Variants in ZSCAN5A observed in about 807,000 individuals in gnomAD.
ZSCAN5A encodes zinc finger and SCAN domain-containing protein 5A.
ZSCAN5A carries 12 observed loss-of-function variants against 23.7 expected under a neutral mutation model. The observed-to-expected ratio is 0.51, with a 90% CI of 0.32 to 0.82. The LOEUF is 0.82. Ranked by LOEUF, ZSCAN5A falls within the 40% of genes least tolerant of loss-of-function variation. ZSCAN5A has a pLI of 0.03. For synonymous variants in ZSCAN5A, 257 were observed against 239.9 expected (o/e 1.07, Z -0.66); for missense variants, 597 against 617.9 (o/e 0.97, Z 0.36).
intron 2 of ZSCAN5A, chr19:56,266,424 A>G (rs2037472973): frequency 6.7e-6 from 1 of 149,390 alleles, no homozygotes; most frequent in African/African-American, 2.5e-5. Context: ...ACTGTCCAAG[A>G]CTTTCTTCCT....
intron 2 of ZSCAN5A, among the ~76,000 whole-genome samples, chr19:56,227,126 T>C (rs967102641): frequency 1.3e-5 from 2 of 152,150 alleles, no homozygotes; most frequent in African/African-American, 4.8e-5. Flanking sequence ...TTCATAACAA[T>C]GTATTGTATA....
At chr19:56,329,767 T>A (rs2041472775) in intron 2 of ZSCAN5A, among the ~76,000 whole-genome samples, 1 of 152,238 alleles carries the variant, frequency 6.6e-6, no homozygotes, top group South Asian at 2.1e-4. Context: ...TCTTTGTGTA[T>A]CACCATTGTA....
intron 2 of ZSCAN5A, among the ~76,000 whole-genome samples, chr19:56,265,042 A>G (rs1273994364): frequency 1.3e-5 from 2 of 152,062 alleles, no homozygotes; most frequent in Non-Finnish European, 2.9e-5. Context: ...GAACTGCTTG[A>G]ACCTGGGAGG....
chr19:56,260,385 T>C (rs932605903), intron 2 of ZSCAN5A, among the ~76,000 whole-genome samples: 17 of 152,066 alleles, frequency 1.1e-4, no homozygotes, highest in Middle Eastern at 3.2e-3. Flanking sequence ...CGGCTAGTTA[T>C]GTATTTTTAG....
intron 2 of ZSCAN5A, among the ~76,000 whole-genome samples, chr19:56,354,012 A>C (rs2041686116): frequency 1.3e-5 from 2 of 152,166 alleles, no homozygotes; most frequent in South Asian, 4.1e-4. Flanking sequence ...CCTTGAGGGC[A>C]CTATACTATG....
intron 2 of ZSCAN5A, among the ~76,000 whole-genome samples, chr19:56,267,438 A>G (rs1056392718): frequency 6.6e-6 from 1 of 152,220 alleles, no homozygotes; most frequent in Non-Finnish European, 1.5e-5. Flanking sequence ...AGCACTGTCC[A>G]ATATATGTAG....
Position 56,222,336 on chromosome 19 carries a change from G to A in ZSCAN5A, c.740-10C>T, listed in dbSNP as rs758668004. The A allele has an allele frequency of 2.5e-6, 4 of 1,609,070 alleles. No homozygotes were observed. In the African/African-American group the frequency reaches 5.3e-5, roughly 22 times the overall value. ...GCTCTCACCAGATCTGCTGGAAGAA[G>A]GGATTCCACACACACAGTTAATAAA... On this transcript the variant is annotated splice_polypyrimidine_tract_variant and intron_variant, in intron 5 of 5. Coordinates refer to ENST00000683990, the MANE Select transcript of ZSCAN5A (RefSeq NM_001322064.3).
At chr19:56,307,261 C>T (rs1360340192) in intron 2 of ZSCAN5A, among the ~76,000 whole-genome samples, 1 of 152,224 alleles carries the variant, frequency 6.6e-6, no homozygotes, top group Non-Finnish European at 1.5e-5. Context: ...TCCCCAGTGC[C>T]CTTTTTACAT....
At chr19:56,362,892 C>T (rs1263037687) in intron 2 of ZSCAN5A, among the ~76,000 whole-genome samples, 1 of 149,392 alleles carries the variant, frequency 6.7e-6, no homozygotes, top group Non-Finnish European at 1.5e-5. Context: ...AAAAAGGTAA[C>T]ATCAGCCAAC....
chr19:56,237,777 G>A lies in ZSCAN5A; in HGVS notation c.-127-12604C>T, dbSNP rs192787158. Among the ~76,000 whole-genome samples, 25 of 151,920 alleles carry A rather than the reference G, an allele frequency of 1.6e-4. No individual in the cohort carries two copies. In the East Asian group the frequency reaches 3.1e-3, roughly 19 times the overall value. On this transcript the variant is annotated intron_variant, in intron 2 of 5. Transcript: ENST00000683990. ...TCTACAAATAATATAAAAATTAGCC[G>A]GGCATGGGTGGCGCCTGTATTCCCA... is the stretch of plus-strand genomic sequence containing the variant.
intron 2 of ZSCAN5A, among the ~76,000 whole-genome samples, chr19:56,329,686 A>T (rs548392249): frequency 6.6e-6 from 1 of 152,258 alleles, no homozygotes; most frequent in African/African-American, 2.4e-5. Flanking sequence ...ACAATTTAAA[A>T]AACATAAAAA....
At chr19:56,353,772 ACT>A in intron 2 of ZSCAN5A, among the ~76,000 whole-genome samples, 1 of 152,094 alleles carries the variant, frequency 6.6e-6, no homozygotes, top group East Asian at 1.9e-4. Context: ...ACAGAGCGAG[ACT>A]CTGTCTCAAA....
At chr19:56,243,262 G>A (rs986289583) in intron 2 of ZSCAN5A, among the ~76,000 whole-genome samples, 1 of 152,162 alleles carries the variant, frequency 6.6e-6, no homozygotes, top group Admixed American at 6.6e-5. Context: ...GTTCCTTTTG[G>A]GCTGATGAGA....
At chr19:56,315,460 C>T (rs1020621296), upstream of ZSCAN5A, 5 of 152,232 alleles carry the variant, frequency 3.3e-5, no homozygotes, top group African/African-American at 4.8e-5. Flanking sequence ...ATGAGGGCGA[C>T]TCGCAGATTC....
intron 2 of ZSCAN5A, among the ~76,000 whole-genome samples, chr19:56,292,540 A>G (rs1600207205): frequency 6.7e-6 from 1 of 149,806 alleles, no homozygotes; most frequent in African/African-American, 2.5e-5. Context: ...CTCCTACCTC[A>G]GCCTCCCAAA....
At chr19:56,326,305 T>TTGTG (rs368735639) in intron 2 of ZSCAN5A, among the ~76,000 whole-genome samples, 7,537 of 145,518 alleles carry the variant, frequency 0.052, 498 homozygotes, top group African/African-American at 0.15. Flanking sequence ...ACAGTTACCA[T>TTGTG]TGTGTGTGTG....
intron 2 of ZSCAN5A, among the ~76,000 whole-genome samples, chr19:56,277,342 T>C (rs1378038361): frequency 6.6e-6 from 1 of 152,212 alleles, no homozygotes; most frequent in Non-Finnish European, 1.5e-5. Context: ...CAATGGAATA[T>C]TATTCACCCA....
intron 2 of ZSCAN5A, among the ~76,000 whole-genome samples, chr19:56,276,506 CTTT>C (rs3059506): frequency 1.4e-5 from 2 of 139,744 alleles, no homozygotes; most frequent in Non-Finnish European, 1.5e-5. Flanking sequence ...CTAAAGAGCT[CTTT>C]TTTTTTTTTT....
At chr19:56,224,213 C>T in intron 3 of ZSCAN5A, 1 of 264,054 alleles carries the variant, frequency 3.8e-6, no homozygotes, top group Non-Finnish European at 7.1e-6. Context: ...CATCTGATAC[C>T]AACCACTTTC....
Sources: allele counts gnomAD v4.1 joint callset (sites outside exome capture counted in the v4.1 genomes callset), GRCh38; gene constraint gnomAD v4.1.1; transcripts MANE v1.5; gene names NCBI Gene and HGNC (gene_info 2026-07-23, HGNC 2026-07-21).